The following FECH variants were observed in gnomAD, a reference collection of about 807,000 sequenced individuals.
The protein encoded by FECH is ferrochelatase.
FECH carries 40 observed loss-of-function variants against 56.9 expected under a neutral mutation model. That is an observed-to-expected ratio of 0.70 (90% CI 0.55 to 0.92). The LOEUF (loss-of-function observed/expected upper bound fraction) is 0.92, where lower values mean the gene tolerates loss of function less well. Ranked by LOEUF, FECH falls within the 40% of genes least tolerant of loss-of-function variation. The probability of loss-of-function intolerance (pLI) is 0.00; values close to 1 mark genes in which losing one functional copy is unlikely to be tolerated. For missense variants in FECH, 431 were observed against 529.1 expected, an observed-to-expected ratio of 0.81 and a Z score of 1.82; for synonymous variants, 175 against 198.6, an observed-to-expected ratio of 0.88 and a Z score of 1.00.
chr18:57,560,624 C>T (rs1287471767), intron 6 of FECH, among the ~76,000 whole-genome samples: 1 of 152,192 alleles, frequency 6.6e-6, no homozygotes, highest in Non-Finnish European at 1.5e-5. Context: ...CAACTCCAGC[C>T]TGGGCAACAG....
intron 2 of FECH, among the ~76,000 whole-genome samples, chr18:57,574,292 C>A (rs2051155498): frequency 6.6e-6 from 1 of 152,144 alleles, no homozygotes; most frequent in South Asian, 2.1e-4. Context: ...CCAGGACTGA[C>A]TTAAGTTATT....
intron 2 of FECH, among the ~76,000 whole-genome samples, chr18:57,574,488 GC>G (rs1475721201): frequency 6.6e-6 from 1 of 152,206 alleles, no homozygotes; most frequent in East Asian, 1.9e-4. Flanking sequence ...GCAGGAAGAA[GC>G]AAAAAGAAAG....
At position 57,559,186 on chromosome 18, in the gene FECH, C is replaced by T. The variant is rs148538669; in HGVS notation, c.763G>A (p.Glu255Lys). The change falls in exon 7 of 11, where the codon GAG (glutamate) becomes AAG (lysine). Residue 255 changes from glutamate to lysine, a missense_variant. By Grantham distance (56) the Glu-to-Lys change is moderately conservative. Coordinates refer to ENST00000262093, the MANE Select transcript of FECH (RefSeq NM_000140.5). The part of the protein sequence containing the change: ...LDHFPLEKRS[E>K]VVILFSAHSL... ...TGAGCAGAAAACAGAATGACCACCTCGCTTCTCTTCTCAAGTGGAAAATGG... is the reference window on the plus strand; with the variant it reads ...TGAGCAGAAAACAGAATGACCACCTTGCTTCTCTTCTCAAGTGGAAAATGG... The T allele has an allele frequency of 8.1e-6, 13 of 1,613,744 alleles. No individual in the cohort carries two copies. The highest frequency in any genetic ancestry group is 1.1e-5 in the South Asian group (1 of 91,072).
chr18:57,554,861 A>T lies in FECH; in HGVS notation c.896T>A (p.Leu299Gln), dbSNP rs2050848076. Residue 299 changes from leucine (L) to glutamine (Q), a missense_variant, in exon 8 of 11, where the codon CTG becomes CAG. By Grantham distance (113) the Leu-to-Gln change is moderately radical. Transcript: ENST00000262093. Reference sequence around the variant, plus strand: ...GCCACTTACCTTGGATTGCCACACCAGTCGGTAGGGGTTGCAGTACTCCAG... The same window carrying T: ...GCCACTTACCTTGGATTGCCACACCTGTCGGTAGGGGTTGCAGTACTCCAG... ...ERLEYCNPYR[L>Q]VWQSKVGPMP... The T allele has an allele frequency of 6.2e-7, 1 of 1,614,004 alleles. No individual in the cohort carries two copies. The highest frequency in any genetic ancestry group is 1.3e-5 in the African/African-American group (1 of 74,936).
At chr18:57,557,103 T>A (rs921555983) in intron 7 of FECH, among the ~76,000 whole-genome samples, 2 of 152,004 alleles carry the variant, frequency 1.3e-5, no homozygotes, top group Non-Finnish European at 2.9e-5. Flanking sequence ...GGAGTGCAGT[T>A]AATAGTATTG....
At chr18:57,562,744 T>G (rs2050961054) in intron 6 of FECH, 130 bp downstream of exon 6, 2 of 706,270 alleles carry the variant, frequency 2.8e-6, no homozygotes, top group South Asian at 3.1e-5. Flanking sequence ...ATACTTTTAT[T>G]TAATCCCAAA....
intron 6 of FECH, among the ~76,000 whole-genome samples, chr18:57,560,019 T>G (rs1026489068): frequency 2.6e-5 from 4 of 152,190 alleles, no homozygotes; most frequent in African/African-American, 9.7e-5. Context: ...GTCTTATACT[T>G]TAATCATTCT....
At chr18:57,581,104 A>G (rs767082955) in intron 1 of FECH, among the ~76,000 whole-genome samples, 67 of 151,908 alleles carry the variant, frequency 4.4e-4, no homozygotes, top group Non-Finnish European at 6.3e-4. Context: ...GTCAGAGGCA[A>G]CTCTCCAAAG....
intron 1 of FECH, among the ~76,000 whole-genome samples, chr18:57,583,975 T>C (rs909458934): frequency 3.3e-5 from 5 of 152,110 alleles, no homozygotes; most frequent in African/African-American, 9.7e-5. Flanking sequence ...GGTCAGGAGA[T>C]AGAGATCATC....
intron 2 of FECH, 139 bp from the exon 3 acceptor site, chr18:57,573,504 A>T: frequency 1.0e-6 from 1 of 990,520 alleles, no homozygotes; most frequent in South Asian, 1.3e-5. Flanking sequence ...CGTCACACAG[A>T]TACCTATTCG....
intron 2 of FECH, among the ~76,000 whole-genome samples, chr18:57,576,343 G>A (rs770564380): frequency 3.9e-5 from 6 of 152,150 alleles, no homozygotes; most frequent in Non-Finnish European, 5.9e-5. Context: ...CTGCATTAAC[G>A]GGTGTGTTGA....
rs1214818671 is a variant in FECH, at chr18:57,562,941, A to C, written c.638T>G (p.Val213Gly). ...LNAIYRYYNQ[V>G]GRKPTMKWST... ...CCACTTCATCGTGGGCTTCCGTCCC[A>C]CTTGATTATAGTATCTGTAAATGGC... The change falls in exon 6 of 11, where the codon GTG (valine) becomes GGG (glycine). Residue 213 changes from valine (V) to glycine (G), a missense_variant. Physicochemically the swap from Val to Gly is moderately radical, Grantham distance 109. Coordinates refer to ENST00000262093, the MANE Select transcript of FECH (RefSeq NM_000140.5). The C allele has an allele frequency of 6.2e-7, 1 of 1,613,982 alleles. No homozygotes were observed. The highest frequency in any genetic ancestry group is 1.3e-5 in the African/African-American group (1 of 74,900).
chr18:57,562,764 T>C (rs2050961249), intron 6 of FECH, 110 bp downstream of exon 6: 1 of 792,178 alleles, frequency 1.3e-6, no homozygotes, highest in Admixed American at 1.9e-5. Flanking sequence ...ACACACAATT[T>C]AAGCAAGGGA....
At position 57,559,261 on chromosome 18, in the gene FECH, A is replaced by C. The variant is rs1245699715; in HGVS notation, c.706-18T>G. Reference sequence around the variant, plus strand: ...GCAAAGCACTGAGTGAGTAACAAGAAAGGAGGATAAAGAGGAAGGGAAGAA... The same window carrying C: ...GCAAAGCACTGAGTGAGTAACAAGACAGGAGGATAAAGAGGAAGGGAAGAA... On this transcript the variant is annotated intron_variant, in intron 6 of 10. Transcript: ENST00000262093. The C allele has an allele frequency of 6.7e-7, 1 of 1,488,788 alleles. No individual in the cohort carries two copies. The highest frequency in any genetic ancestry group is 1.4e-5 in the African/African-American group (1 of 72,422). The allele number at this position is 1,488,788 out of a possible 1,614,324, so 92.2% of individuals were successfully genotyped here.
chr18:57,554,247 T>C lies in FECH; in HGVS notation c.1077+13A>G. The stretch of plus-strand genomic sequence containing the variant: ...CAAGTCATGATGGGAAAAAGGCAGA[T>C]GGGTGCATTTACCTCCTTGGCTAAA... On this transcript the variant is annotated intron_variant, in intron 9 of 10. Transcript: ENST00000262093. The C allele has an allele frequency of 3.1e-6, 5 of 1,614,196 alleles. No homozygotes were observed. The highest frequency in any genetic ancestry group is 4.2e-6 in the Non-Finnish European group (5 of 1,180,000).
In FECH at chr18:57,549,188, T is replaced by G. The variant is rs1198373565; in HGVS notation, c.*1524A>C. 2.0e-5 allele frequency: 3 copies of G among 152,200 alleles called. No homozygotes were observed. The highest frequency in any genetic ancestry group is 7.2e-5 in the African/African-American group (3 of 41,454). The allele number at this position is 152,200 out of a possible 1,614,324, so 9.4% of individuals were successfully genotyped here. A position where few individuals can be genotyped will look rare whatever the true frequency, so the allele number is the denominator to read the frequency against. The stretch of plus-strand genomic sequence containing the variant: ...ATTTTAAAAATGTGGATGCTACTCA[T>G]GAGGGCTGTCATCAACGTAGGAAAA... On this transcript the variant is annotated 3_prime_UTR_variant, in exon 11 of 11. Transcript: ENST00000262093.
At chr18:57,586,425 T>C (rs1407840634) in intron 1 of FECH, 129 bp downstream of exon 1, 2 of 1,011,444 alleles carry the variant, frequency 2.0e-6, no homozygotes, top group Non-Finnish European at 2.8e-6. Flanking sequence ...CCTCGCCCGG[T>C]TGCTCGCAGC....
rs1334487060 is a variant in FECH, at chr18:57,544,530, C to T, written c.*6182G>A. ...AATGCTTTTGTTGATGTTTACCAAG[C>T]TCTCGCATCTGCAGCCAACCTATGG... On this transcript the variant is annotated 3_prime_UTR_variant, in exon 11 of 11. Coordinates refer to ENST00000262093, the MANE Select transcript of FECH (RefSeq NM_000140.5). Among the ~76,000 whole-genome samples, 2 of 152,236 alleles carry T rather than the reference C, an allele frequency of 1.3e-5. No individual in the cohort carries two copies. Among genetic ancestry groups the T allele is most frequent in the African/African-American group, 4.8e-5 (2 of 41,468 alleles).
chr18:57,586,636 G>C lies in FECH; in HGVS notation c.-16C>G. 1 of 1,507,942 alleles carries C rather than the reference G, an allele frequency of 6.6e-7. No homozygotes were observed. Among genetic ancestry groups the C allele is most frequent in the Non-Finnish European group, 8.8e-7 (1 of 1,134,808 alleles). 93.4% of individuals were successfully genotyped at this position (1,507,942 alleles called of 1,614,324 possible). ...GTGAACGCATTGCCTGGGCAGCCTC[G>C]GCCCGAGTCCGGGCTCCTCCCGCGG... On this transcript the variant is annotated 5_prime_UTR_variant, in exon 1 of 11. Coordinates refer to ENST00000262093, the MANE Select transcript of FECH (RefSeq NM_000140.5).
Sources: allele counts gnomAD v4.1 joint callset (sites outside exome capture counted in the v4.1 genomes callset), GRCh38; gene constraint gnomAD v4.1.1; transcripts MANE v1.5; gene names NCBI Gene and HGNC (gene_info 2026-07-23, HGNC 2026-07-21).